Variants in KDM4C observed in about 807,000 individuals in gnomAD.
KDM4C encodes lysine demethylase 4C, also known as lysine-specific demethylase 4C.
In KDM4C, 81 loss-of-function variants were observed where a neutral mutation model predicts 129.3. The observed-to-expected ratio is 0.63, with a 90% CI of 0.52 to 0.75. The LOEUF is 0.75. Ranked by LOEUF, KDM4C falls within the 30% of genes least tolerant of loss-of-function variation. The pLI is 0.00. For missense variants in KDM4C, 1,457 were observed against 1,304.0 expected, an observed-to-expected ratio of 1.12 and a Z score of -1.81; for synonymous variants, 573 against 456.1, an observed-to-expected ratio of 1.26 and a Z score of -3.26.
At chr9:7,151,342 G>A in intron 19 of KDM4C, among the ~76,000 whole-genome samples, 1 of 151,932 alleles carries the variant, frequency 6.6e-6, no homozygotes, top group Admixed American at 6.6e-5. Flanking sequence ...CTTCATTTCA[G>A]CTTAAGGGAC....
At chr9:7,169,128 G>A (rs1844700109) in intron 20 of KDM4C, among the ~76,000 whole-genome samples, 1 of 151,364 alleles carries the variant, frequency 6.6e-6, no homozygotes, top group South Asian at 2.1e-4. Context: ...CGTTGTCAGA[G>A]CCTCTTAAAG....
intron 12 of KDM4C, among the ~76,000 whole-genome samples, chr9:6,998,378 T>C (rs1195947274): frequency 6.6e-6 from 1 of 152,258 alleles, no homozygotes; most frequent in Non-Finnish European, 1.5e-5. Flanking sequence ...TTTCTGTTGT[T>C]TTGAAGAATA....
intron 3 of KDM4C, among the ~76,000 whole-genome samples, chr9:6,811,507 C>T (rs11998950): frequency 0.12 from 18,801 of 152,000 alleles, 1,434 homozygotes; most frequent in African/African-American, 0.2. Flanking sequence ...GCAGTAGAGA[C>T]GATGACATGC....
intron 6 of KDM4C, among the ~76,000 whole-genome samples, chr9:6,881,331 A>G (rs980141318): frequency 1.3e-5 from 2 of 152,216 alleles, no homozygotes; most frequent in African/African-American, 4.8e-5. Context: ...AATACATAAT[A>G]GTAATAATAG....
intron 1 of KDM4C, among the ~76,000 whole-genome samples, chr9:6,788,357 A>G (rs1169926368): frequency 2.6e-5 from 4 of 152,186 alleles, no homozygotes; most frequent in Non-Finnish European, 5.9e-5. Context: ...GCCTAGGGAA[A>G]TGCTCGGGCC....
In KDM4C at chr9:7,108,661, G is replaced by A. The variant is rs143523634; in HGVS notation, c.2610+4791G>A. Among the ~76,000 whole-genome samples the A allele has an allele frequency of 2.7e-3, 413 of 152,292 alleles. 3 individuals carry two copies. Among genetic ancestry groups the A allele is most frequent in the African/African-American group, 9.7e-3 (405 of 41,542 alleles). The stretch of plus-strand genomic sequence containing the variant: ...AGGACACCACAATACACAGAATCTG[G>A]TGAAGGGCTCAAAGCAAGGGCTCTG... On this transcript the variant is annotated intron_variant, in intron 18 of 21. Transcript: ENST00000381309.
At chr9:6,827,412 T>C (rs913602856) in intron 4 of KDM4C, among the ~76,000 whole-genome samples, 2 of 152,240 alleles carry the variant, frequency 1.3e-5, no homozygotes, top group South Asian at 4.1e-4. Context: ...AATCAAGAGC[T>C]CCTTTATAAG....
At chr9:7,117,452 T>G (rs1041477510) in intron 18 of KDM4C, among the ~76,000 whole-genome samples, 11 of 152,136 alleles carry the variant, frequency 7.2e-5, no homozygotes, top group African/African-American at 2.4e-4. Context: ...AAGTGTCCCA[T>G]CAGACGTCAT....
In KDM4C at chr9:6,737,977, A is replaced by G. The variant is rs935970352; in HGVS notation, c.49+16980A>G. Among the ~76,000 whole-genome samples the G allele has an allele frequency of 2.0e-5, 3 of 149,788 alleles. No homozygotes were observed. In the East Asian group the frequency reaches 6.0e-4, roughly 30 times the overall value. On this transcript the variant is annotated intron_variant, in intron 1 of 17. Coordinates refer to the KDM4C transcript ENST00000536108. ...GCAAAACCCCATCTCTACTAAAAAT[A>G]CCAACAATTTGCTGGGCATGGTGGC...
At chr9:6,973,215 T>G (rs1201409946) in intron 8 of KDM4C, among the ~76,000 whole-genome samples, 2 of 152,228 alleles carry the variant, frequency 1.3e-5, no homozygotes, top group Non-Finnish European at 2.9e-5. Flanking sequence ...GCTGCTGCTT[T>G]TTTTCTCCCC....
Position 6,904,406 on chromosome 9 carries a change from A to AT in KDM4C, c.921+11190dup, listed in dbSNP as rs34938835. Reference sequence around the variant, plus strand: ...GAATGTGACAGGTGGTTTGCAGTGGATTTTTTTTTTTTTTTTGAGGGGCAT... The same window carrying AT: ...GAATGTGACAGGTGGTTTGCAGTGGATTTTTTTTTTTTTTTTTGAGGGGCAT... On this transcript the variant is annotated intron_variant, in intron 8 of 21. Transcript: ENST00000381309. 3.0e-3 allele frequency among the ~76,000 whole-genome samples: 428 copies of AT among 144,302 alleles called. 1 individual carries two copies. The highest frequency in any genetic ancestry group is 8.2e-3 in the African/African-American group (321 of 39,300). The allele number at this position is 144,302 out of a possible 152,430, so 94.7% of individuals were successfully genotyped here. A position where few individuals can be genotyped will look rare whatever the true frequency, so the allele number is the denominator to read the frequency against.
intron 17 of KDM4C, among the ~76,000 whole-genome samples, chr9:7,084,491 G>C (rs1324381722): frequency 6.6e-6 from 1 of 152,146 alleles, no homozygotes; most frequent in African/African-American, 2.4e-5. Context: ...ATGTTAATAG[G>C]CCTTCTCCTT....
At chr9:6,863,316 T>A (rs912563508) in intron 5 of KDM4C, among the ~76,000 whole-genome samples, 3 of 152,168 alleles carry the variant, frequency 2.0e-5, no homozygotes, top group African/African-American at 7.2e-5. Flanking sequence ...CATCTGACTT[T>A]CCTTGTGTAG....
intron 19 of KDM4C, among the ~76,000 whole-genome samples, chr9:7,154,700 A>G (rs943009889): frequency 1.3e-5 from 2 of 152,186 alleles, no homozygotes; most frequent in African/African-American, 2.4e-5. Context: ...CAGTCCTTGA[A>G]GTAACTGATC....
At position 6,830,509 on chromosome 9, in the gene KDM4C, A is replaced by G. The variant is rs1048690549; in HGVS notation, c.435+15764A>G. Among the ~76,000 whole-genome samples the G allele has an allele frequency of 2.9e-4, 44 of 152,362 alleles. 1 individual carries two copies. Among genetic ancestry groups the G allele is most frequent in the African/African-American group, 1.0e-3 (42 of 41,592 alleles). ...TGATTCTAAATATATGCTAGTTACA[A>G]CAAGTTTTTAAGAGAAAGATGTCAC... On this transcript the variant is annotated intron_variant, in intron 4 of 21. Transcript: ENST00000381309.
Position 6,838,655 on chromosome 9 carries a change from G to A in KDM4C, c.436-10852G>A, listed in dbSNP as rs548129148. On this transcript the variant is annotated intron_variant, in intron 4 of 21. Transcript: ENST00000381309. ...CTTGCTATATGATGGTTGTTGTTGA[G>A]AATTCTAAAACAGAAAGCAGTGCTG... 1.4e-4 allele frequency among the ~76,000 whole-genome samples: 21 copies of A among 152,242 alleles called. No individual in the cohort carries two copies. In the South Asian group the frequency reaches 2.9e-3, roughly 21 times the overall value.
chr9:7,054,798 TAAG>T (rs1830649147), intron 17 of KDM4C, among the ~76,000 whole-genome samples: 1 of 152,242 alleles, frequency 6.6e-6, no homozygotes, highest in Non-Finnish European at 1.5e-5. Flanking sequence ...TTGTGGGTTT[TAAG>T]AAATCTTAGG....
intron 16 of KDM4C, 147 bp from the exon 17 acceptor site, chr9:7,048,945 A>T: frequency 1.2e-5 from 6 of 518,096 alleles, no homozygotes; most frequent in East Asian, 3.6e-5. Flanking sequence ...CAGGAGGTTT[A>T]CAGTTCAGAA....
chr9:7,093,314 G>A (rs1021269960), intron 17 of KDM4C, among the ~76,000 whole-genome samples: 6 of 151,948 alleles, frequency 3.9e-5, no homozygotes, highest in East Asian at 1.9e-4. Context: ...ACAATACGAC[G>A]AATAAAATAG....
Sources: gnomAD v4.1 joint callset for allele counts (sites outside exome capture counted in the v4.1 genomes callset) on GRCh38, gnomAD v4.1.1 for gene constraint, MANE v1.5 for transcripts, NCBI Gene and HGNC (gene_info 2026-07-23, HGNC 2026-07-21) for gene names.